The following ANGPT1 variants were observed in gnomAD, a reference collection of about 807,000 sequenced individuals.
ANGPT1 encodes angiopoietin 1.
A neutral mutation model predicts 62.2 loss-of-function variants in ANGPT1; 17 were observed. The observed-to-expected ratio is 0.27, with a 90% CI of 0.19 to 0.41. The LOEUF (loss-of-function observed/expected upper bound fraction) is 0.41. ANGPT1 is among the 10% of genes least tolerant of loss of function. ANGPT1 has a pLI of 1.00. For synonymous variants in ANGPT1, 199 were observed against 198.9 expected (o/e 1.00, Z 0.00); for missense variants, 478 against 594.9 (o/e 0.80, Z 2.04).
In ANGPT1 at chr8:107,251,659, C is replaced by A; in HGVS notation, c.*196G>T. 1.6e-6 allele frequency: 1 copy of A among 620,278 alleles called. No homozygotes were observed. The highest frequency in any genetic ancestry group is 2.7e-6 in the Non-Finnish European group (1 of 370,376). The allele number at this position is 620,278 out of a possible 1,614,324, so 38.4% of individuals were successfully genotyped here. On this transcript the variant is annotated 3_prime_UTR_variant, in exon 9 of 9. Coordinates refer to ENST00000517746, the MANE Select transcript of ANGPT1 (RefSeq NM_001146.5). ...TATAGTCGAGCCACGTGAGCACTGT[C>A]ACCCCAAGTAGAGACTCTTGTGAAC...
At chr8:107,282,166 C>T (rs189151370) in intron 7 of ANGPT1, among the ~76,000 whole-genome samples, 6 of 151,864 alleles carry the variant, frequency 4.0e-5, no homozygotes, top group African/African-American at 1.4e-4. Flanking sequence ...AATCTTTCAC[C>T]AGAGTAAGCA....
intron 1 of ANGPT1, among the ~76,000 whole-genome samples, chr8:107,477,230 T>G (rs561226628): frequency 6.6e-6 from 1 of 152,292 alleles, no homozygotes; most frequent in South Asian, 2.1e-4. Flanking sequence ...CATTCACCTC[T>G]CCATCCATTC....
intron 3 of ANGPT1, among the ~76,000 whole-genome samples, chr8:107,331,695 G>C (rs1815425145): frequency 6.6e-6 from 1 of 152,130 alleles, no homozygotes; most frequent in Non-Finnish European, 1.5e-5. Context: ...GAAATAGTAA[G>C]TTAAAGCACC....
chr8:107,398,438 T>A (rs528758730), intron 1 of ANGPT1, among the ~76,000 whole-genome samples: 1 of 151,984 alleles, frequency 6.6e-6, no homozygotes, highest in South Asian at 2.1e-4. Context: ...TAAAGGCAAA[T>A]CATTTATAAG....
chr8:107,486,163 T>C (rs1812808949), intron 1 of ANGPT1, among the ~76,000 whole-genome samples: 1 of 152,230 alleles, frequency 6.6e-6, no homozygotes, highest in African/African-American at 2.4e-5. Context: ...ATTAAGGGTT[T>C]AGACACAAAG....
At chr8:107,290,603 C>T (rs962530046) in intron 6 of ANGPT1, among the ~76,000 whole-genome samples, 5 of 152,094 alleles carry the variant, frequency 3.3e-5, no homozygotes, top group African/African-American at 1.2e-4. Flanking sequence ...GTGTTTTAAC[C>T]ATCTTGTAAC....
chr8:107,299,204 G>A (rs572812222), intron 5 of ANGPT1, among the ~76,000 whole-genome samples: 5 of 151,146 alleles, frequency 3.3e-5, no homozygotes, highest in African/African-American at 7.3e-5. Flanking sequence ...TTCAATTATC[G>A]TTAACATAAA....
chr8:107,292,295 T>C (rs1814298287), intron 6 of ANGPT1, among the ~76,000 whole-genome samples: 1 of 152,238 alleles, frequency 6.6e-6, no homozygotes, highest in African/African-American at 2.4e-5. Flanking sequence ...ATAAGTTCAC[T>C]TGTTTGAAAA....
chr8:107,336,427 A>C, intron 2 of ANGPT1, 156 bp from the exon 3 acceptor site: 8 of 1,180,736 alleles, frequency 6.8e-6, no homozygotes, highest in Non-Finnish European at 7.5e-6. Flanking sequence ...GCACTTTGGG[A>C]GGCCAAGGCG....
At chr8:107,358,462 A>T (rs183580201) in intron 1 of ANGPT1, among the ~76,000 whole-genome samples, 1 of 152,098 alleles carries the variant, frequency 6.6e-6, no homozygotes, top group African/African-American at 2.4e-5. Context: ...TGCCCTGGTG[A>T]TGCTTGTTAC....
At chr8:107,349,042 G>A (rs1815872581) in intron 1 of ANGPT1, among the ~76,000 whole-genome samples, 1 of 152,032 alleles carries the variant, frequency 6.6e-6, no homozygotes, top group Non-Finnish European at 1.5e-5. Context: ...GCCCAATACA[G>A]TTGATGCCCG....
At chr8:107,446,643 G>A (rs1811630075) in intron 1 of ANGPT1, among the ~76,000 whole-genome samples, 1 of 152,206 alleles carries the variant, frequency 6.6e-6, no homozygotes, top group Non-Finnish European at 1.5e-5. Flanking sequence ...CTATGGCTAA[G>A]CAGGGAGGAA....
intron 1 of ANGPT1, among the ~76,000 whole-genome samples, chr8:107,424,403 G>T (rs1440124820): frequency 6.6e-6 from 1 of 152,164 alleles, no homozygotes; most frequent in Non-Finnish European, 1.5e-5. Flanking sequence ...TTTGAACTAA[G>T]AAGACACTGT....
intron 1 of ANGPT1, among the ~76,000 whole-genome samples, chr8:107,376,648 G>T (rs185477998): frequency 6.6e-6 from 1 of 152,156 alleles, no homozygotes; most frequent in Admixed American, 6.5e-5. Flanking sequence ...TGAGAGATAC[G>T]GTAAGGCCTA....
intron 3 of ANGPT1, among the ~76,000 whole-genome samples, chr8:107,328,730 A>G (rs2130090890): frequency 6.6e-6 from 1 of 152,098 alleles, no homozygotes; most frequent in South Asian, 2.1e-4. Flanking sequence ...TACACACAAA[A>G]ACATGCACAA....
rs186695496 is a variant in ANGPT1, at chr8:107,372,227, C to T, written c.298-25130G>A. ...TTTACTAGATACCAGTAGTGCCTCCCAGCTGTAACAAGTAAAACTGTCTTC... is the reference window on the plus strand; with the variant it reads ...TTTACTAGATACCAGTAGTGCCTCCTAGCTGTAACAAGTAAAACTGTCTTC... On this transcript the variant is annotated intron_variant, in intron 1 of 8. Transcript: ENST00000517746. Among the ~76,000 whole-genome samples, 3 of 152,130 alleles carry T rather than the reference C, an allele frequency of 2.0e-5. No homozygotes were observed. The East Asian group carries it at 5.8e-4, about 29-fold the overall frequency.
At chr8:107,445,529 C>CT (rs1026927767) in intron 1 of ANGPT1, among the ~76,000 whole-genome samples, 2 of 151,650 alleles carry the variant, frequency 1.3e-5, no homozygotes, top group African/African-American at 4.8e-5. Flanking sequence ...GGACCTCCTA[C>CT]TTTTTTTTTC....
intron 1 of ANGPT1, among the ~76,000 whole-genome samples, chr8:107,404,793 C>T (rs1392842355): frequency 6.6e-6 from 1 of 152,008 alleles, no homozygotes; most frequent in Non-Finnish European, 1.5e-5. Flanking sequence ...AAAGACTGTA[C>T]CAATTACACA....
intron 1 of ANGPT1, among the ~76,000 whole-genome samples, chr8:107,435,335 A>G (rs774206022): frequency 6.6e-6 from 1 of 152,250 alleles, no homozygotes; most frequent in Non-Finnish European, 1.5e-5. Flanking sequence ...ATGAGACAGT[A>G]AATCTTGCAG....
Sources: allele counts gnomAD v4.1 joint callset (sites outside exome capture counted in the v4.1 genomes callset), GRCh38; gene constraint gnomAD v4.1.1; transcripts MANE v1.5; gene names NCBI Gene and HGNC (gene_info 2026-07-23, HGNC 2026-07-21).